CNKSR2: variants seen among roughly 807,000 people sequenced by gnomAD.
CNKSR2 encodes connector enhancer of kinase suppressor of Ras 2.
Under a neutral mutation model 84.4 loss-of-function variants are expected in CNKSR2, and 14 were observed. The observed-to-expected ratio is 0.17, with a 90% CI of 0.11 to 0.26. The LOEUF is 0.26. Among genes scored for constraint, CNKSR2 ranks in the 10% least tolerant of loss-of-function variants. The pLI, the probability that CNKSR2 is intolerant of heterozygous loss-of-function variation, is 1.00. For synonymous variants in CNKSR2, 275 were observed against 277.9 expected (o/e 0.99, Z 0.10); for missense variants, 485 against 771.2 (o/e 0.63, Z 4.40).
At chrX:21,417,862 C>T (rs1474289796) in intron 1 of CNKSR2, among the ~76,000 whole-genome samples, 3 of 111,144 alleles carry the variant, frequency 2.7e-5, no homozygotes, top group African/African-American at 9.8e-5. Flanking sequence ...TTTATGCAGC[C>T]ACTCTATGAC....
intron 15 of CNKSR2, chrX:21,594,594 A>C (rs1183137357): frequency 8.6e-6 from 1 of 115,646 alleles, no homozygotes; most frequent in Non-Finnish European, 1.8e-5. Flanking sequence ...TCTGAACATT[A>C]AGAAAATAGA....
chrX:21,535,191 A>G (rs544927568), intron 11 of CNKSR2, among the ~76,000 whole-genome samples: 9 of 110,951 alleles, frequency 8.1e-5, no homozygotes, highest in African/African-American at 2.9e-4. Context: ...CCGGCTGTAA[A>G]TACGGACTTA....
At chrX:21,616,378 C>T (rs1253998601) in intron 20 of CNKSR2, among the ~76,000 whole-genome samples, 1 of 111,869 alleles carries the variant, frequency 8.9e-6, no homozygotes, top group Non-Finnish European at 1.9e-5. Flanking sequence ...TGAGTAATAG[C>T]TAACCCCTTT....
chrX:21,531,636 C>T (rs1207587745), intron 10 of CNKSR2, among the ~76,000 whole-genome samples: 1 of 111,343 alleles, frequency 9.0e-6, no homozygotes, highest in Non-Finnish European at 1.9e-5. Context: ...CAGTTATTAG[C>T]TGTGTAACAT....
chrX:21,524,793 G>A (rs2091818721), intron 9 of CNKSR2, among the ~76,000 whole-genome samples: 1 of 110,612 alleles, frequency 9.0e-6, no homozygotes, highest in Admixed American at 9.6e-5. Context: ...CGAGAGGAAA[G>A]ACAATAAAAA....
At chrX:21,537,696 A>G (rs1179911216) in intron 11 of CNKSR2, among the ~76,000 whole-genome samples, 1 of 109,757 alleles carries the variant, frequency 9.1e-6, no homozygotes, top group East Asian at 2.8e-4. Context: ...TTTTGTTTGC[A>G]TGAAATATCT....
intron 17 of CNKSR2, among the ~76,000 whole-genome samples, chrX:21,595,830 C>A (rs2092448332): frequency 9.0e-6 from 1 of 111,703 alleles, no homozygotes; most frequent in African/African-American, 3.3e-5. Context: ...TCATCTTTCA[C>A]CTGACAGGAC....
At chrX:21,420,469 A>G (rs1280332225) in intron 1 of CNKSR2, among the ~76,000 whole-genome samples, 1 of 112,074 alleles carries the variant, frequency 8.9e-6, no homozygotes, top group Non-Finnish European at 1.9e-5. Flanking sequence ...TTGAAGCAGA[A>G]GGAATTGTGC....
chrX:21,520,212 A>T (rs779679147), intron 9 of CNKSR2, among the ~76,000 whole-genome samples: 1 of 111,473 alleles, frequency 9.0e-6, no homozygotes, highest in South Asian at 3.7e-4. Context: ...ATATTTTGTG[A>T]TAGAACGTAA....
intron 4 of CNKSR2, among the ~76,000 whole-genome samples, chrX:21,458,240 T>G (rs1390928447): frequency 5.3e-5 from 6 of 112,825 alleles, no homozygotes; most frequent in Admixed American, 2.8e-4. Context: ...ATTCGATTCC[T>G]CATTTGCATG....
chrX:21,632,375 C>A (rs2092651886), intron 20 of CNKSR2, among the ~76,000 whole-genome samples: 1 of 111,710 alleles, frequency 9.0e-6, no homozygotes, highest in East Asian at 2.8e-4. Context: ...AAAACTAAGG[C>A]CTTGGTTCCC....
At chrX:21,458,747 C>G (rs776731143) in intron 4 of CNKSR2, among the ~76,000 whole-genome samples, 17 of 110,411 alleles carry the variant, frequency 1.5e-4, no homozygotes, top group Non-Finnish European at 2.8e-4. Flanking sequence ...TTCTTTTTCT[C>G]TCCCTCTTCC....
At chrX:21,567,776 C>A (rs1215687971) in intron 13 of CNKSR2, among the ~76,000 whole-genome samples, 2 of 101,207 alleles carry the variant, frequency 2.0e-5, no homozygotes, top group African/African-American at 7.3e-5. Context: ...GAAGACAAGG[C>A]AGACAGAAGT....
At chrX:21,446,704 C>T (rs2090860562) in intron 4 of CNKSR2, among the ~76,000 whole-genome samples, 1 of 111,049 alleles carries the variant, frequency 9.0e-6, no homozygotes. Context: ...TGCCAAAGCG[C>T]TTTTAAAGAT....
intron 1 of CNKSR2, among the ~76,000 whole-genome samples, chrX:21,394,874 G>A (rs2090100353): frequency 1.8e-5 from 2 of 111,577 alleles, no homozygotes; most frequent in East Asian, 2.8e-4. Flanking sequence ...TGACAGAAAT[G>A]TATTGACTTT....
intron 4 of CNKSR2, among the ~76,000 whole-genome samples, chrX:21,444,923 C>T (rs975782276): frequency 1.8e-5 from 2 of 111,119 alleles, no homozygotes; most frequent in Non-Finnish European, 3.8e-5. Context: ...CATCTCTATT[C>T]ACATATTCAA....
intron 20 of CNKSR2, among the ~76,000 whole-genome samples, chrX:21,625,803 T>A (rs1193219849): frequency 8.9e-6 from 1 of 112,235 alleles, no homozygotes; most frequent in East Asian, 2.8e-4. Context: ...TCTTCTCACT[T>A]CAATTGAAAA....
In CNKSR2 at chrX:21,470,760, T is replaced by C; in HGVS notation, c.520-6T>C. ...GAATCTAATGTATATGGTTCTTTTT[T>C]TTCAGGATTGTACTGTATATGAAAC... On this transcript the variant is annotated splice_region_variant and splice_polypyrimidine_tract_variant and intron_variant, in intron 4 of 21. Coordinates refer to ENST00000379510, the MANE Select transcript of CNKSR2 (RefSeq NM_014927.5). 8.2e-6 allele frequency: 8 copies of C among 975,526 alleles called. No individual in the cohort carries two copies. Among genetic ancestry groups the C allele is most frequent in the Non-Finnish European group, 1.1e-5 (8 of 715,064 alleles). 80.4% of individuals were successfully genotyped at this position (975,526 alleles called of 1,213,427 possible). A position where few individuals can be genotyped will look rare whatever the true frequency, so the allele number is the denominator to read the frequency against.
chrX:21,395,560 G>A (rs1376433536), intron 1 of CNKSR2, among the ~76,000 whole-genome samples: 1 of 109,429 alleles, frequency 9.1e-6, no homozygotes, highest in East Asian at 2.9e-4. Context: ...AAAAAAAAAA[G>A]AGATCATGTG....
Sources: allele counts gnomAD v4.1 joint callset (sites outside exome capture counted in the v4.1 genomes callset), GRCh38; gene constraint gnomAD v4.1.1; transcripts MANE v1.5; gene names NCBI Gene and HGNC (gene_info 2026-07-23, HGNC 2026-07-21).